Variants in CSMD3 observed in about 807,000 individuals in gnomAD.
CSMD3 encodes the protein CUB and sushi domain-containing protein 3.
In CSMD3, 177 loss-of-function variants were observed where a neutral mutation model predicts 435.2. The ratio of observed to expected loss-of-function variants is 0.41; its 90% CI spans 0.36 to 0.46. The LOEUF (loss-of-function observed/expected upper bound fraction) is 0.46, where lower values mean the gene tolerates loss of function less well. Ranked by LOEUF, CSMD3 falls within the 20% of genes least tolerant of loss-of-function variation. The pLI, the probability that CSMD3 is intolerant of heterozygous loss-of-function variation, is 0.34. For synonymous variants in CSMD3, 1,656 were observed against 1,520.5 expected, an observed-to-expected ratio of 1.09 and a Z score of -2.07; for missense variants, 4,265 against 4,504.6, an observed-to-expected ratio of 0.95 and a Z score of 1.52.
intron 1 of CSMD3, among the ~76,000 whole-genome samples, chr8:113,372,520 G>T (rs2094352156): frequency 6.6e-6 from 1 of 152,134 alleles, no homozygotes; most frequent in African/African-American, 2.4e-5. Flanking sequence ...AATGAAGCAG[G>T]CATGCAGCCA....
chr8:113,140,952 A>G (rs2091534293), intron 4 of CSMD3, among the ~76,000 whole-genome samples: 1 of 151,038 alleles, frequency 6.6e-6, no homozygotes, highest in African/African-American at 2.4e-5. Context: ...GGATTTTTAA[A>G]AAATCAATAG....
At chr8:112,592,086 T>TG (rs562619701) in intron 22 of CSMD3, among the ~76,000 whole-genome samples, 109 of 151,800 alleles carry the variant, frequency 7.2e-4, no homozygotes, top group South Asian at 6.7e-3. Flanking sequence ...TTTGTGTGTG[T>TG]TTTTTTTAGC....
At chr8:112,582,372 A>G (rs894851989) in intron 23 of CSMD3, among the ~76,000 whole-genome samples, 5 of 151,830 alleles carry the variant, frequency 3.3e-5, no homozygotes, top group Non-Finnish European at 5.9e-5. Flanking sequence ...TTTTCCTTAT[A>G]TATTATACAG....
At chr8:112,296,870 G>T (rs986066203) in intron 53 of CSMD3, among the ~76,000 whole-genome samples, 5 of 151,596 alleles carry the variant, frequency 3.3e-5, no homozygotes, top group Non-Finnish European at 7.4e-5. Flanking sequence ...AAAAAGGAGA[G>T]AATAAAATTG....
intron 32 of CSMD3, among the ~76,000 whole-genome samples, chr8:112,411,693 G>T (rs1319531470): frequency 2.0e-5 from 3 of 151,976 alleles, no homozygotes; most frequent in Admixed American, 6.6e-5. Context: ...CCAGTCAGAA[G>T]TCTTAAGAAC....
chr8:112,931,775 A>C (rs2083117324), intron 9 of CSMD3, among the ~76,000 whole-genome samples: 1 of 152,336 alleles, frequency 6.6e-6, no homozygotes, highest in South Asian at 2.1e-4. Flanking sequence ...ATCCCATAAA[A>C]GTGGACAAAG....
At position 112,792,632 on chromosome 8, in the gene CSMD3, T is replaced by G. The variant is rs948355056; in HGVS notation, c.1972+7530A>C. Among the ~76,000 whole-genome samples, 11 of 152,306 alleles carry G rather than the reference T, an allele frequency of 7.2e-5. No individual in the cohort carries two copies. The East Asian group carries it at 2.1e-3, about 29-fold the overall frequency. ...ATAATTTTTCCTAAGCTAAGGTAAC[T>G]AGGCTTTTCTTCTATGTTTTATTCC... is the stretch of plus-strand genomic sequence containing the variant. On this transcript the variant is annotated intron_variant, in intron 13 of 70. Coordinates refer to ENST00000297405, the MANE Select transcript of CSMD3 (RefSeq NM_198123.2).
At chr8:113,329,115 A>C (rs1281317022) in intron 1 of CSMD3, among the ~76,000 whole-genome samples, 1 of 151,844 alleles carries the variant, frequency 6.6e-6, no homozygotes, top group East Asian at 1.9e-4. Context: ...TTTTAAAAAT[A>C]AGTGGTTAGA....
At chr8:112,747,787 C>A (rs1465486360) in intron 13 of CSMD3, among the ~76,000 whole-genome samples, 2 of 151,740 alleles carry the variant, frequency 1.3e-5, no homozygotes, top group Non-Finnish European at 2.9e-5. Flanking sequence ...CACGGTGAAA[C>A]CCCGTCTCTA....
intron 27 of CSMD3, among the ~76,000 whole-genome samples, chr8:112,532,198 A>G (rs113895664): frequency 2.0e-5 from 3 of 152,038 alleles, no homozygotes; most frequent in African/African-American, 7.2e-5. Flanking sequence ...ATTAAGAAGA[A>G]TAAAGAAGGC....
rs2093946000 is a variant in CSMD3, at chr8:113,321,035, C to A, written c.179-6242G>T. Among the ~76,000 whole-genome samples, 4 of 151,866 alleles carry A rather than the reference C, an allele frequency of 2.6e-5. No homozygotes were observed. The South Asian group carries it at 8.3e-4, about 31-fold the overall frequency. ...CCCTCTTTGTTTTTCTATTCTAAAC[C>A]CTGTGGATTTGATTCAATTCTTCCT... On this transcript the variant is annotated intron_variant, in intron 1 of 70. Transcript: ENST00000297405.
At position 112,224,309 on chromosome 8, in the gene CSMD3, G is replaced by A. The variant is rs561732118; in HGVS notation, c.*462C>T. The stretch of plus-strand genomic sequence containing the variant: ...ACAAGAATGAATGGCAGATAGAGTG[G>A]TATGAAAGACAGATTTGTGGGCGTG... On this transcript the variant is annotated 3_prime_UTR_variant, in exon 71 of 71. Transcript: ENST00000297405. 3.6e-5 allele frequency: 6 copies of A among 166,970 alleles called. No homozygotes were observed. Among genetic ancestry groups the A allele is most frequent in the African/African-American group, 1.4e-4 (6 of 41,782 alleles). 10.3% of individuals were successfully genotyped at this position (166,970 alleles called of 1,614,324 possible).
At chr8:112,862,338 T>A (rs2080850057) in intron 10 of CSMD3, among the ~76,000 whole-genome samples, 1 of 152,042 alleles carries the variant, frequency 6.6e-6, no homozygotes, top group South Asian at 2.1e-4. Context: ...GTCTGAAGAT[T>A]TTTTTGCATA....
At chr8:112,404,769 T>A (rs1015841947) in intron 35 of CSMD3, among the ~76,000 whole-genome samples, 2 of 152,156 alleles carry the variant, frequency 1.3e-5, no homozygotes, top group African/African-American at 4.8e-5. Context: ...TATTTATGAT[T>A]GTCTATTATG....
chr8:113,052,122 C>A (rs1002167907), intron 5 of CSMD3, among the ~76,000 whole-genome samples: 1 of 151,952 alleles, frequency 6.6e-6, no homozygotes, highest in Non-Finnish European at 1.5e-5. Flanking sequence ...AATAAGTAAC[C>A]AAGTAAAGAT....
chr8:112,651,655 A>T (rs2075130395), intron 18 of CSMD3, among the ~76,000 whole-genome samples: 1 of 151,402 alleles, frequency 6.6e-6, no homozygotes, highest in East Asian at 2.0e-4. Context: ...CTCCTGCCTC[A>T]GCCTCCCGAG....
At chr8:113,358,116 C>A (rs1044716075) in intron 1 of CSMD3, among the ~76,000 whole-genome samples, 27 of 152,030 alleles carry the variant, frequency 1.8e-4, no homozygotes, top group African/African-American at 6.0e-4. Context: ...AATGTAAGCA[C>A]CAATATAATA....
intron 2 of CSMD3, chr8:113,311,355 T>C (rs1460492043): frequency 6.6e-6 from 1 of 152,120 alleles, no homozygotes; most frequent in Non-Finnish European, 1.5e-5. Context: ...TTTTAAAATA[T>C]GAAATTCTGA....
At chr8:113,162,208 T>C (rs1038887597) in intron 4 of CSMD3, among the ~76,000 whole-genome samples, 1 of 151,804 alleles carries the variant, frequency 6.6e-6, no homozygotes, top group African/African-American at 2.4e-5. Flanking sequence ...AGGCAAAGAT[T>C]AGAGAAAAAA....
Sources: allele counts gnomAD v4.1 joint callset (sites outside exome capture counted in the v4.1 genomes callset), GRCh38; gene constraint gnomAD v4.1.1; transcripts MANE v1.5; gene names NCBI Gene and HGNC (gene_info 2026-07-23, HGNC 2026-07-21).